Variants in RANBP2 observed in about 807,000 individuals in gnomAD.
RANBP2 encodes E3 SUMO-protein ligase RanBP2.
RANBP2 carries 57 observed loss-of-function variants against 303.6 expected under a neutral mutation model. The ratio of observed to expected loss-of-function variants is 0.19; its 90% CI spans 0.15 to 0.23. The LOEUF is 0.23. Among genes scored for constraint, RANBP2 ranks in the 10% least tolerant of loss-of-function variants. The pLI is 1.00. For synonymous variants in RANBP2, 1,167 were observed against 1,301.5 expected (o/e 0.90, Z 2.23); for missense variants, 3,138 against 3,780.8 (o/e 0.83, Z 4.46).
At chr2:108,870,280 T>C in the RANBP2 span, among the ~76,000 whole-genome samples, 1 of 152,116 alleles carries the variant, frequency 6.6e-6, no homozygotes, top group Non-Finnish European at 1.5e-5. Context: ...ATCAGTGAAC[T>C]TGAAGGCAAG....
the RANBP2 span, among the ~76,000 whole-genome samples, chr2:108,916,410 G>C: frequency 6.6e-6 from 1 of 152,142 alleles, no homozygotes; most frequent in African/African-American, 2.4e-5. Flanking sequence ...GCAGCCTAGA[G>C]AGCACACAGA....
the RANBP2 span, among the ~76,000 whole-genome samples, chr2:109,707,357 T>C: frequency 3.3e-5 from 5 of 152,152 alleles, no homozygotes; most frequent in African/African-American, 1.2e-4. Context: ...TCCACTTAGA[T>C]TTGACATAGC....
At chr2:109,647,127 A>G in the RANBP2 span, among the ~76,000 whole-genome samples, 1 of 144,882 alleles carries the variant, frequency 6.9e-6, no homozygotes, top group Non-Finnish European at 1.5e-5. Context: ...CCTTTTGGGA[A>G]GTGTCAGCCA....
the RANBP2 span, among the ~76,000 whole-genome samples, chr2:109,595,826 T>C: frequency 6.6e-6 from 1 of 152,284 alleles, no homozygotes; most frequent in Non-Finnish European, 1.5e-5. Context: ...GTGCCACAGA[T>C]AATATCTGGC....
the RANBP2 span, chr2:109,371,742 T>C: frequency 4.2e-6 from 6 of 1,433,528 alleles, no homozygotes; most frequent in Admixed American, 7.4e-5. Context: ...TTCACTACAG[T>C]GGGGTCACCT....
At chr2:109,295,402 A>G in the RANBP2 span, among the ~76,000 whole-genome samples, 1 of 152,216 alleles carries the variant, frequency 6.6e-6, no homozygotes, top group African/African-American at 2.4e-5. Context: ...CCTGGCTCTG[A>G]AGTCTTCAGT....
the RANBP2 span, among the ~76,000 whole-genome samples, chr2:108,974,599 G>A: frequency 4.8e-4 from 72 of 151,192 alleles, 2 homozygotes; most frequent in East Asian, 3.8e-3. Flanking sequence ...GCATGGTGGT[G>A]TGTGCCTGTA....
At chr2:108,841,226 A>C in the RANBP2 span, among the ~76,000 whole-genome samples, 1 of 152,194 alleles carries the variant, frequency 6.6e-6, no homozygotes, top group South Asian at 2.1e-4. Flanking sequence ...ATGGCTGAGA[A>C]TATGTATTCT....
At chr2:109,431,269 A>T in the RANBP2 span, among the ~76,000 whole-genome samples, 6 of 152,176 alleles carry the variant, frequency 3.9e-5, no homozygotes, top group Non-Finnish European at 5.9e-5. Context: ...CACTGGTGTG[A>T]GGTCCACCAG....
chr2:109,723,434 G>A, the RANBP2 span, among the ~76,000 whole-genome samples: 1 of 152,168 alleles, frequency 6.6e-6, no homozygotes, highest in Non-Finnish European at 1.5e-5. Flanking sequence ...ACAGGTATGA[G>A]CTACCACACC....
At chr2:109,195,306 G>A in the RANBP2 span, among the ~76,000 whole-genome samples, 24 of 152,298 alleles carry the variant, frequency 1.6e-4, no homozygotes, top group Non-Finnish European at 1.0e-4. Context: ...TCATGTGGCA[G>A]GCAGTTCCTG....
chr2:109,667,011 A>C, the RANBP2 span: 1 of 452,250 alleles, frequency 2.2e-6, no homozygotes, highest in Non-Finnish European at 4.0e-6. Flanking sequence ...TCTGAGAGTC[A>C]GCTGACTCTA....
chr2:108,924,469 C>T, the RANBP2 span, among the ~76,000 whole-genome samples: 1 of 152,220 alleles, frequency 6.6e-6, no homozygotes, highest in East Asian at 1.9e-4. Context: ...GATTAAATAA[C>T]GTGAGCGGTG....
At chr2:109,705,598 T>G in the RANBP2 span, among the ~76,000 whole-genome samples, 1 of 152,180 alleles carries the variant, frequency 6.6e-6, no homozygotes, top group African/African-American at 2.4e-5. Context: ...TTCCATGAGG[T>G]TCCATCCAGC....
At chr2:109,037,644 C>G in the RANBP2 span, among the ~76,000 whole-genome samples, 12 of 152,100 alleles carry the variant, frequency 7.9e-5, no homozygotes, top group Non-Finnish European at 1.6e-4. Context: ...AAATAAATGT[C>G]ATTTCTATAT....
chr2:109,730,947 C>T, the RANBP2 span, among the ~76,000 whole-genome samples: 2 of 151,986 alleles, frequency 1.3e-5, no homozygotes, highest in Non-Finnish European at 2.9e-5. Flanking sequence ...CACCACCATG[C>T]CCAGCTAATT....
the RANBP2 span, among the ~76,000 whole-genome samples, chr2:109,631,503 C>T: frequency 2.6e-5 from 4 of 152,096 alleles, no homozygotes; most frequent in African/African-American, 7.2e-5. Flanking sequence ...CACCAGTAAT[C>T]CCAGCATTTT....
At chr2:109,614,967 G>C in the RANBP2 span, 9 of 1,528,856 alleles carry the variant, frequency 5.9e-6, no homozygotes, top group Middle Eastern at 2.2e-4. Context: ...CTCGCGGCGC[G>C]ACGTGCAGCC....
the RANBP2 span, among the ~76,000 whole-genome samples, chr2:109,707,341 T>A: frequency 6.6e-6 from 1 of 152,166 alleles, no homozygotes; most frequent in South Asian, 2.1e-4. Context: ...GTGACTGGCA[T>A]CTGCTTCCAC....
Sources: gnomAD v4.1 joint callset for allele counts (sites outside exome capture counted in the v4.1 genomes callset) on GRCh38, gnomAD v4.1.1 for gene constraint, MANE v1.5 for transcripts, NCBI Gene and HGNC (gene_info 2026-07-23, HGNC 2026-07-21) for gene names.